CFAP299: variants seen among roughly 807,000 people sequenced by gnomAD.
CFAP299 encodes cilia and flagella associated protein 299.
CFAP299 carries 21 observed loss-of-function variants against 27.0 expected under a neutral mutation model. That is an observed-to-expected ratio of 0.78 (90% confidence interval 0.55 to 1.12). The LOEUF (loss-of-function observed/expected upper bound fraction) is 1.12. CFAP299 is among the 50% of genes most tolerant of loss of function. The probability of loss-of-function intolerance (pLI) is 0.00; values close to 1 mark genes in which losing one functional copy is unlikely to be tolerated. For missense variants in CFAP299, 310 were observed against 276.6 expected (o/e 1.12, Z -0.86); for synonymous variants, 104 against 98.1 (o/e 1.06, Z -0.36).
chr4:80,831,898 C>T, intron 3 of CFAP299, among the ~76,000 whole-genome samples: 1 of 152,080 alleles, frequency 6.6e-6, no homozygotes, highest in Admixed American at 6.6e-5. Context: ...AACATGAATC[C>T]TTGAATCATC....
chr4:80,658,402 T>C (rs1740671324), intron 3 of CFAP299, among the ~76,000 whole-genome samples: 1 of 152,188 alleles, frequency 6.6e-6, no homozygotes, highest in African/African-American at 2.4e-5. Flanking sequence ...TTGAGGTACA[T>C]TCCATCAATG....
At chr4:80,774,430 A>G (rs1005564341) in intron 3 of CFAP299, among the ~76,000 whole-genome samples, 10 of 151,884 alleles carry the variant, frequency 6.6e-5, no homozygotes, top group Admixed American at 3.9e-4. Flanking sequence ...ATCAATTTAT[A>G]TTTTTTCTGC....
intron 3 of CFAP299, among the ~76,000 whole-genome samples, chr4:80,761,018 T>G (rs963386460): frequency 2.0e-5 from 3 of 152,178 alleles, no homozygotes; most frequent in African/African-American, 7.2e-5. Flanking sequence ...GATGAACAAA[T>G]TACTCTTTAT....
At chr4:80,592,707 A>G (rs1285525449) in intron 3 of CFAP299, among the ~76,000 whole-genome samples, 1 of 152,192 alleles carries the variant, frequency 6.6e-6, no homozygotes, top group East Asian at 1.9e-4. Flanking sequence ...GGCTCAATCT[A>G]TTTTGCAAAG....
At chr4:80,741,171 G>A (rs1291043606) in intron 3 of CFAP299, among the ~76,000 whole-genome samples, 1 of 140,176 alleles carries the variant, frequency 7.1e-6, no homozygotes, top group East Asian at 2.0e-4. Context: ...AACAGAGCAT[G>A]TCTCAGGGTC....
intron 3 of CFAP299, among the ~76,000 whole-genome samples, chr4:80,721,964 C>CA (rs2110046306): frequency 6.6e-6 from 1 of 152,100 alleles, no homozygotes; most frequent in Admixed American, 6.5e-5. Context: ...GTCACTCAAG[C>CA]AAAAAGTAAA....
rs575054754 is a variant in CFAP299 at position 80,773,827 on chromosome 4, T to A, written c.334-96166T>A. Reference sequence around the variant, plus strand: ...AATTTCTTAGGTCAAAAGTTATAAATTTTTTATAATATTAAAGAGTCTTAA... The same window carrying A: ...AATTTCTTAGGTCAAAAGTTATAAAATTTTTATAATATTAAAGAGTCTTAA... On this transcript the variant is annotated intron_variant, in intron 3 of 5. Coordinates refer to ENST00000358105, the MANE Select transcript of CFAP299 (RefSeq NM_152770.3). Among the ~76,000 whole-genome samples, 7 of 152,042 alleles carry A rather than the reference T, an allele frequency of 4.6e-5. No individual in the cohort carries two copies. The East Asian group carries it at 1.4e-3, about 29-fold the overall frequency.
rs762992265 is a variant in CFAP299 at position 80,445,578 on chromosome 4, C to T, written c.242+82694C>T. 5.3e-5 allele frequency among the ~76,000 whole-genome samples: 8 copies of T among 152,036 alleles called. No individual in the cohort carries two copies. In the East Asian group the frequency reaches 5.8e-4, roughly 11 times the overall value. The stretch of plus-strand genomic sequence containing the variant: ...TAAGAAAAATACCTAATGTAGATGA[C>T]GGGTTGATGCGTGGAGCAAACCACC... On this transcript the variant is annotated intron_variant, in intron 2 of 5. Transcript: ENST00000358105.
chr4:80,952,861 TCG>T (rs1304011413), intron 5 of CFAP299, among the ~76,000 whole-genome samples: 3 of 152,104 alleles, frequency 2.0e-5, no homozygotes, highest in Non-Finnish European at 4.4e-5. Flanking sequence ...GCTTCTGAGG[TCG>T]TTGGCTTCTC....
At chr4:80,906,139 T>G (rs1449700491) in intron 4 of CFAP299, among the ~76,000 whole-genome samples, 2 of 151,906 alleles carry the variant, frequency 1.3e-5, no homozygotes, top group African/African-American at 4.9e-5. Context: ...CCATTCCATA[T>G]GGAAGAAATT....
At chr4:80,590,219 CT>C (rs1418299998) in intron 3 of CFAP299, among the ~76,000 whole-genome samples, 17 of 152,170 alleles carry the variant, frequency 1.1e-4, no homozygotes, top group African/African-American at 3.9e-4. Context: ...CACTCCGTCA[CT>C]GATGAATTCG....
At chr4:80,546,414 T>C (rs1734231086) in intron 2 of CFAP299, among the ~76,000 whole-genome samples, 1 of 152,148 alleles carries the variant, frequency 6.6e-6, no homozygotes, top group South Asian at 2.1e-4. Context: ...GTAATGCTGC[T>C]TACCAAGGAG....
chr4:80,377,899 G>A (rs1252982928), intron 2 of CFAP299, among the ~76,000 whole-genome samples: 11 of 152,218 alleles, frequency 7.2e-5, no homozygotes, highest in Non-Finnish European at 1.2e-4. Context: ...GAGGTGAAAC[G>A]CACTTCTCAC....
chr4:80,892,970 T>A (rs533255987), intron 4 of CFAP299, among the ~76,000 whole-genome samples: 1 of 152,012 alleles, frequency 6.6e-6, no homozygotes, highest in South Asian at 2.1e-4. Flanking sequence ...ATCTTATATG[T>A]AGAAAATTCT....
At chr4:80,475,083 T>G (rs1475924117) in intron 2 of CFAP299, among the ~76,000 whole-genome samples, 1 of 152,076 alleles carries the variant, frequency 6.6e-6, no homozygotes, top group African/African-American at 2.4e-5. Context: ...GGGGAGTAAG[T>G]GTGGCCTGTT....
chr4:80,875,938 C>T (rs1318701060), intron 4 of CFAP299, among the ~76,000 whole-genome samples: 3 of 151,866 alleles, frequency 2.0e-5, no homozygotes, highest in Non-Finnish European at 4.4e-5. Context: ...TCACCCACTA[C>T]GTGTGAGTTT....
chr4:80,633,656 CT>C (rs1458774366), intron 3 of CFAP299, among the ~76,000 whole-genome samples: 2 of 152,062 alleles, frequency 1.3e-5, no homozygotes, highest in Admixed American at 1.3e-4. Context: ...GCCAGGAATG[CT>C]GATACTAAAT....
chr4:80,408,223 A>G (rs1228297864), intron 2 of CFAP299, among the ~76,000 whole-genome samples: 1 of 152,196 alleles, frequency 6.6e-6, no homozygotes, highest in Non-Finnish European at 1.5e-5. Flanking sequence ...AGCTAAACCA[A>G]TTTCCCCACC....
At chr4:80,617,100 T>G (rs1738330676) in intron 3 of CFAP299, among the ~76,000 whole-genome samples, 1 of 152,028 alleles carries the variant, frequency 6.6e-6, no homozygotes, top group African/African-American at 2.4e-5. Flanking sequence ...CTATTTATAG[T>G]GTGAAAAAAG....
Sources: gnomAD v4.1 joint callset for allele counts (sites outside exome capture counted in the v4.1 genomes callset) on GRCh38, gnomAD v4.1.1 for gene constraint, MANE v1.5 for transcripts, NCBI Gene and HGNC (gene_info 2026-07-23, HGNC 2026-07-21) for gene names.